Variants in SEMA4B observed in about 807,000 individuals in gnomAD.
The protein encoded by SEMA4B is semaphorin 4B, also known as semaphorin-4B.
Under a neutral mutation model 88.1 loss-of-function variants are expected in SEMA4B, and 55 were observed. The observed-to-expected ratio is 0.62, with a 90% CI of 0.50 to 0.78. The LOEUF (loss-of-function observed/expected upper bound fraction) is 0.78. Ranked by LOEUF, SEMA4B falls within the 30% of genes least tolerant of loss-of-function variation. The pLI, the probability that SEMA4B is intolerant of heterozygous loss-of-function variation, is 0.00. For missense variants in SEMA4B, 1,062 were observed against 1,111.9 expected (o/e 0.96, Z 0.64); for synonymous variants, 525 against 473.6 (o/e 1.11, Z -1.41).
chr15:90,185,634 T>A lies in SEMA4B; in HGVS notation c.-122+553T>A, dbSNP rs578046337. On this transcript the variant is annotated intron_variant, in intron 1 of 14. Coordinates refer to the SEMA4B transcript ENST00000332496. ...CATCTCGGGAAGGTCATCAAATCTCTGCCCACATTTCCTCACCTGTAATAT... is the reference window on the plus strand; with the variant it reads ...CATCTCGGGAAGGTCATCAAATCTCAGCCCACATTTCCTCACCTGTAATAT... Among the ~76,000 whole-genome samples the A allele has an allele frequency of 3.9e-5, 6 of 152,330 alleles. No individual in the cohort carries two copies. In the South Asian group the frequency reaches 1.2e-3, roughly 32 times the overall value.
chr15:90,207,990 C>G (rs561657359), intron 1 of SEMA4B, among the ~76,000 whole-genome samples: 1 of 152,178 alleles, frequency 6.6e-6, no homozygotes, highest in Non-Finnish European at 1.5e-5. Flanking sequence ...CGGTGGCTCA[C>G]GCCTATAATC....
Position 90,194,591 on chromosome 15 carries a change from G to A in SEMA4B, c.-121-6867G>A, listed in dbSNP as rs141636561. ...AACCTTGATGGAGGTCTCTAGTGGC[G>A]TGCCATTGGGCTCCGTTTGTGACTC... On this transcript the variant is annotated intron_variant, in intron 1 of 14. Transcript: ENST00000332496. 4.7e-3 allele frequency among the ~76,000 whole-genome samples: 711 copies of A among 151,810 alleles called. 12 individuals are homozygous for A. Among genetic ancestry groups the A allele is most frequent in the African/African-American group, 0.016 (682 of 41,438 alleles).
intron 7 of SEMA4B, 134 bp downstream of exon 7, chr15:90,221,899 C>A: frequency 1.4e-6 from 1 of 718,016 alleles, no homozygotes. Context: ...TTTTCTCTCT[C>A]ACCTTTTAAA....
intron 1 of SEMA4B, among the ~76,000 whole-genome samples, chr15:90,189,695 C>T (rs1442400620): frequency 1.3e-5 from 2 of 152,182 alleles, no homozygotes; most frequent in Admixed American, 6.5e-5. Flanking sequence ...TGTCTGCAGA[C>T]TAACGCACCT....
chr15:90,206,119 CG>C (rs1455694167), intron 1 of SEMA4B, among the ~76,000 whole-genome samples: 1 of 152,174 alleles, frequency 6.6e-6, no homozygotes, highest in Non-Finnish European at 1.5e-5. Flanking sequence ...GAGGGTGGCA[CG>C]GGGCCTGGAG....
intron 4 of SEMA4B, 46 bp from the exon 5 acceptor site, chr15:90,220,936 T>A (rs1318064128): frequency 1.6e-6 from 2 of 1,288,110 alleles, no homozygotes; most frequent in African/African-American, 2.9e-5. Flanking sequence ...AGCCTGCTCC[T>A]CATTCCCTGG....
chr15:90,195,924 CTT>C (rs776885861), intron 1 of SEMA4B, among the ~76,000 whole-genome samples: 3 of 76,636 alleles, frequency 3.9e-5, no homozygotes, highest in Non-Finnish European at 2.7e-5. Flanking sequence ...TTGTACTTCT[CTT>C]TTTTTTTTTT....
intron 1 of SEMA4B, chr15:90,190,214 C>G (rs1423784001): frequency 6.6e-6 from 1 of 152,256 alleles, no homozygotes; most frequent in South Asian, 2.1e-4. Flanking sequence ...CTCACATCAG[C>G]TTTCTGTGAG....
upstream of SEMA4B, among the ~76,000 whole-genome samples, chr15:90,196,681 G>T (rs1184637443): frequency 6.6e-6 from 1 of 151,976 alleles, no homozygotes; most frequent in Admixed American, 6.6e-5. Flanking sequence ...TAGAGACGGG[G>T]TTTCACCATG....
chr15:90,196,322 A>T (rs9806563), intron 1 of SEMA4B, among the ~76,000 whole-genome samples: 66,874 of 151,710 alleles, frequency 0.44, 16,880 homozygotes, highest in East Asian at 0.7. Context: ...GTTAAGATTG[A>T]GGCCCCGAGA....
chr15:90,225,427 G>C (rs1480173694), intron 11 of SEMA4B, 30 bp downstream of exon 11: 3 of 1,539,028 alleles, frequency 1.9e-6, no homozygotes, highest in African/African-American at 1.4e-5. Flanking sequence ...ATCCTGGCAG[G>C]GTACTTGGGG....
intron 1 of SEMA4B, among the ~76,000 whole-genome samples, chr15:90,185,806 C>A (rs1298439789): frequency 6.6e-6 from 1 of 152,028 alleles, no homozygotes; most frequent in Non-Finnish European, 1.5e-5. Context: ...CTTGGCCCAT[C>A]CCCCCTCATT....
intron 12 of SEMA4B, 52 bp downstream of exon 12, chr15:90,225,879 C>T: frequency 2.1e-6 from 3 of 1,400,390 alleles, no homozygotes; most frequent in Non-Finnish European, 2.8e-6. Flanking sequence ...CACAGGTGAC[C>T]TCGGAGCACC....
chr15:90,214,464 C>G (rs942533484), intron 1 of SEMA4B, among the ~76,000 whole-genome samples: 1 of 151,728 alleles, frequency 6.6e-6, no homozygotes, highest in African/African-American at 2.4e-5. Flanking sequence ...ATGGAGAAAC[C>G]CCGTCTCTAC....
chr15:90,214,793 G>T, intron 1 of SEMA4B: 1 of 268,400 alleles, frequency 3.7e-6, no homozygotes, highest in South Asian at 3.2e-5. Context: ...GCTGTGCGAA[G>T]ACTCATTGAC....
chr15:90,210,627 G>A (rs964710337), intron 1 of SEMA4B, among the ~76,000 whole-genome samples: 13 of 152,218 alleles, frequency 8.5e-5, no homozygotes, highest in African/African-American at 1.2e-4. Context: ...CGTTTAAAGG[G>A]CTGAGAAAGT....
At chr15:90,225,621 T>C (rs1458201650) in intron 11 of SEMA4B, 40 bp from the exon 12 acceptor site, 4 of 1,545,214 alleles carry the variant, frequency 2.6e-6, no homozygotes, top group Non-Finnish European at 3.5e-6. Flanking sequence ...TGGCCCTGGC[T>C]GCCCATGCCC....
chr15:90,193,797 A>G (rs1451266551), intron 1 of SEMA4B, among the ~76,000 whole-genome samples: 1 of 151,984 alleles, frequency 6.6e-6, no homozygotes, highest in Admixed American at 6.6e-5. Context: ...AAATGTAGCT[A>G]GTACCTTGAC....
intron 2 of SEMA4B, 51 bp from the exon 3 acceptor site, chr15:90,217,716 C>T: frequency 1.9e-6 from 3 of 1,594,668 alleles, no homozygotes; most frequent in Admixed American, 1.7e-5. Context: ...AGGAGGGAGG[C>T]TCAGCAAACC....
Sources: gnomAD v4.1 joint callset for allele counts (sites outside exome capture counted in the v4.1 genomes callset) on GRCh38, gnomAD v4.1.1 for gene constraint, MANE v1.5 for transcripts, NCBI Gene and HGNC (gene_info 2026-07-23, HGNC 2026-07-21) for gene names.